Variants in UGT1A9 observed in about 807,000 individuals in gnomAD.
UGT1A9 encodes the protein UDP-glucuronosyltransferase 1A9.
In UGT1A9, 35 loss-of-function variants were observed where a neutral mutation model predicts 45.0. That is an observed-to-expected ratio of 0.78 (90% CI 0.59 to 1.03). The LOEUF is 1.03. Ranked by LOEUF, UGT1A9 falls within the 50% of genes least tolerant of loss-of-function variation. The pLI, the probability that UGT1A9 is intolerant of heterozygous loss-of-function variation, is 0.00. For synonymous variants in UGT1A9, 278 were observed against 250.6 expected (o/e 1.11, Z -1.03); for missense variants, 687 against 666.6 (o/e 1.03, Z -0.34).
At chr2:233,729,508 T>G in intron 1 of UGT1A9, 2 of 1,614,204 alleles carry the variant, frequency 1.2e-6, no homozygotes. Context: ...TCATAGGTCT[T>G]GTGTGGAGCT....
intron 1 of UGT1A9, among the ~76,000 whole-genome samples, chr2:233,735,215 A>G (rs1250944794): frequency 6.6e-6 from 1 of 152,166 alleles, no homozygotes; most frequent in Non-Finnish European, 1.5e-5. Flanking sequence ...GGGTGCATAT[A>G]TATTTAGGAT....
Position 233,707,728 on chromosome 2 carries a change from AC to A in UGT1A9, c.855+34940del, listed in dbSNP as rs1181279072. ...TTTCACTACTGTGAACAATGTTACA[AC>A]GAACATTCTTTTACATTCTGAAACA... is the stretch of plus-strand genomic sequence containing the variant. On this transcript the variant is annotated intron_variant, in intron 1 of 4. Transcript: ENST00000354728. 6.6e-5 allele frequency among the ~76,000 whole-genome samples: 10 copies of A among 152,254 alleles called. No individual in the cohort carries two copies. In the East Asian group the frequency reaches 9.6e-4, roughly 15 times the overall value.
At chr2:233,761,231 T>A in intron 1 of UGT1A9, 1 of 1,613,202 alleles carries the variant, frequency 6.2e-7, no homozygotes. Flanking sequence ...GCCCCAGATA[T>A]ATGCTGAGCA....
intron 1 of UGT1A9, among the ~76,000 whole-genome samples, chr2:233,686,387 G>A (rs2074786384): frequency 2.0e-5 from 3 of 152,152 alleles, no homozygotes; most frequent in South Asian, 2.1e-4. Flanking sequence ...AAGACAACTC[G>A]TGTGGGCGCC....
chr2:233,711,517 T>C (rs2076184771), intron 1 of UGT1A9, among the ~76,000 whole-genome samples: 4 of 152,144 alleles, frequency 2.6e-5, no homozygotes, highest in Admixed American at 2.6e-4. Context: ...GCGCTCTGTG[T>C]CCTCACAACT....
At chr2:233,698,734 C>T (rs2075459166) in intron 1 of UGT1A9, among the ~76,000 whole-genome samples, 2 of 152,196 alleles carry the variant, frequency 1.3e-5, no homozygotes, top group African/African-American at 4.8e-5. Context: ...AGCTTGGTGA[C>T]CATTTTTTAC....
chr2:233,764,410 G>T (rs1287852484), intron 1 of UGT1A9, among the ~76,000 whole-genome samples: 1 of 152,152 alleles, frequency 6.6e-6, no homozygotes, highest in Non-Finnish European at 1.5e-5. Context: ...TCTGCAGTTT[G>T]CCCTGCGTGA....
At chr2:233,693,061 A>T (rs1042707) in intron 1 of UGT1A9, 1 of 1,614,096 alleles carries the variant, frequency 6.2e-7, no homozygotes, top group Non-Finnish European at 8.5e-7. Context: ...TCTTCTTAGC[A>T]CTTTGGGGCA....
chr2:233,721,721 C>T (rs2076966179), intron 1 of UGT1A9: 1 of 393,114 alleles, frequency 2.5e-6, no homozygotes. Flanking sequence ...GCTTTGTTTA[C>T]TTGGATAAGC....
intron 1 of UGT1A9, among the ~76,000 whole-genome samples, chr2:233,724,331 G>A (rs1366026275): frequency 6.4e-5 from 9 of 139,780 alleles, no homozygotes; most frequent in East Asian, 2.2e-4. Flanking sequence ...CTGGCCAGGC[G>A]GGGGGCTGAC....
chr2:233,733,807 A>T (rs898855226), intron 1 of UGT1A9, among the ~76,000 whole-genome samples: 3 of 152,292 alleles, frequency 2.0e-5, no homozygotes, highest in Admixed American at 6.5e-5. Context: ...TATCAGGATG[A>T]TGCTGGCCTC....
Sources: gnomAD v4.1 joint callset for allele counts (sites outside exome capture counted in the v4.1 genomes callset) on GRCh38, gnomAD v4.1.1 for gene constraint, MANE v1.5 for transcripts, NCBI Gene and HGNC (gene_info 2026-07-23, HGNC 2026-07-21) for gene names.